SUPT3H: variants seen among roughly 807,000 people sequenced by gnomAD.
SUPT3H encodes the protein transcription initiation protein SPT3 homolog.
Under a neutral mutation model 44.3 loss-of-function variants are expected in SUPT3H, and 44 were observed. The observed-to-expected ratio is 0.99, with a 90% CI of 0.78 to 1.28. The LOEUF (loss-of-function observed/expected upper bound fraction) is 1.28, where lower values mean the gene tolerates loss of function less well. SUPT3H is among the 50% of genes most tolerant of loss of function. SUPT3H has a pLI of 0.00. For missense variants in SUPT3H, 380 were observed against 387.1 expected, an observed-to-expected ratio of 0.98 and a Z score of 0.15; for synonymous variants, 124 against 125.6, an observed-to-expected ratio of 0.99 and a Z score of 0.09.
chr6:44,893,111 C>T (rs1032277334), intron 10 of SUPT3H, among the ~76,000 whole-genome samples: 2 of 152,286 alleles, frequency 1.3e-5, no homozygotes, highest in East Asian at 3.9e-4. Flanking sequence ...TCATTTACAG[C>T]AGAGGCCTGT....
At chr6:45,128,547 T>G (rs1802863905) in intron 2 of SUPT3H, among the ~76,000 whole-genome samples, 1 of 64,280 alleles carries the variant, frequency 1.6e-5, no homozygotes, top group South Asian at 5.5e-4. Flanking sequence ...TATATATATA[T>G]ATATATATAT....
chr6:44,928,891 AAAAAAAAAAAAAAG>A lies in SUPT3H; in HGVS notation c.912+3748_912+3761del, dbSNP rs1437835329. On this transcript the variant is annotated intron_variant, in intron 10 of 10. Coordinates refer to ENST00000371459, the MANE Select transcript of SUPT3H (RefSeq NM_003599.4). ...GAACGAGACTCCGTCTCAAAAAAAAAAAAAAAAAAAAAAGAAAAGAAAAGAAACAAATCACCAAT... is the reference window on the plus strand; with the variant it reads ...GAACGAGACTCCGTCTCAAAAAAAAAAAAAGAAAAGAAACAAATCACCAAT... Among the ~76,000 whole-genome samples, 13 of 122,196 alleles carry A rather than the reference AAAAAAAAAAAAAAG, an allele frequency of 1.1e-4. 2 individuals are homozygous for A. The highest frequency in any genetic ancestry group is 4.0e-4 in the African/African-American group (10 of 25,258). 80.2% of individuals were successfully genotyped at this position (122,196 alleles called of 152,430 possible). A position where few individuals can be genotyped will look rare whatever the true frequency, so the allele number is the denominator to read the frequency against.
At chr6:45,263,053 G>C (rs1010950595) in intron 2 of SUPT3H, among the ~76,000 whole-genome samples, 6 of 152,092 alleles carry the variant, frequency 3.9e-5, no homozygotes, top group African/African-American at 1.4e-4. Flanking sequence ...TGTAAGTTCA[G>C]CCACTGTGGA....
intron 10 of SUPT3H, among the ~76,000 whole-genome samples, chr6:44,890,645 C>T (rs1311328297): frequency 2.1e-5 from 3 of 143,656 alleles, no homozygotes; most frequent in Non-Finnish European, 3.0e-5. Context: ...CATTAGGAGA[C>T]GTACCTAATG....
intron 10 of SUPT3H, among the ~76,000 whole-genome samples, chr6:44,885,299 G>A (rs558987574): frequency 7.4e-4 from 112 of 152,254 alleles, no homozygotes; most frequent in African/African-American, 2.6e-3. Flanking sequence ...ATCTGAGAAC[G>A]GGCAGACTGC....
At chr6:44,980,260 G>GA (rs1778911372) in intron 6 of SUPT3H, among the ~76,000 whole-genome samples, 1 of 145,628 alleles carries the variant, frequency 6.9e-6, no homozygotes, top group Non-Finnish European at 1.5e-5. Context: ...AAAAAAAAAA[G>GA]AAAAAATGAC....
At chr6:44,957,176 CACTT>C (rs113810358) in intron 7 of SUPT3H, among the ~76,000 whole-genome samples, 10,462 of 152,128 alleles carry the variant, frequency 0.069, 1,180 homozygotes, top group African/African-American at 0.24. Context: ...GTCTATAAAA[CACTT>C]AATAGTAACT....
intron 10 of SUPT3H, among the ~76,000 whole-genome samples, chr6:44,877,181 C>T (rs1777449401): frequency 6.6e-6 from 1 of 152,138 alleles, no homozygotes; most frequent in Non-Finnish European, 1.5e-5. Flanking sequence ...TATCCCAGTG[C>T]ATGGGCTGGG....
chr6:45,289,154 T>A (rs1779897625), intron 2 of SUPT3H, among the ~76,000 whole-genome samples: 1 of 152,168 alleles, frequency 6.6e-6, no homozygotes, highest in South Asian at 2.1e-4. Flanking sequence ...GCACTCTTAT[T>A]TGCTTAATAT....
At chr6:44,947,949 G>A (rs567563001) in intron 9 of SUPT3H, among the ~76,000 whole-genome samples, 13 of 152,142 alleles carry the variant, frequency 8.5e-5, no homozygotes, top group Non-Finnish European at 1.6e-4. Context: ...GGTTTCTTAG[G>A]ACACAGGCAA....
chr6:45,366,064 AAGT>A lies in SUPT3H; in HGVS notation c.1-766_1-764del, dbSNP rs1795084477. Among the ~76,000 whole-genome samples the A allele has an allele frequency of 2.0e-5, 3 of 152,262 alleles. No individual in the cohort carries two copies. In the South Asian group the frequency reaches 6.2e-4, roughly 32 times the overall value. ...AAGTAACATTAAAATAATGTCATGA[AAGT>A]AGGTAAACCCTCATCTATTACACTA... On this transcript the variant is annotated intron_variant, in intron 1 of 10. Transcript: ENST00000371459.
At chr6:45,137,272 G>A (rs1448898341) in intron 2 of SUPT3H, among the ~76,000 whole-genome samples, 2 of 151,898 alleles carry the variant, frequency 1.3e-5, no homozygotes, top group Non-Finnish European at 2.9e-5. Flanking sequence ...CCTTCATTTT[G>A]AAAGGAAATG....
chr6:45,367,778 T>C (rs1043190589), intron 1 of SUPT3H, among the ~76,000 whole-genome samples: 3 of 152,192 alleles, frequency 2.0e-5, no homozygotes, highest in Admixed American at 6.6e-5. Context: ...TGCTCCTTTT[T>C]CATTTTCAAA....
intron 7 of SUPT3H, among the ~76,000 whole-genome samples, chr6:44,958,964 C>T (rs1775628604): frequency 6.6e-6 from 1 of 150,924 alleles, no homozygotes; most frequent in Non-Finnish European, 1.5e-5. Context: ...CAACCTCCAC[C>T]TCCCGGGTTC....
intron 9 of SUPT3H, among the ~76,000 whole-genome samples, chr6:44,951,588 G>A (rs1774322720): frequency 6.6e-6 from 1 of 152,104 alleles, no homozygotes; most frequent in Non-Finnish European, 1.5e-5. Flanking sequence ...TTTGTCAGGA[G>A]GCTCTCTGAC....
chr6:45,291,558 G>A lies in SUPT3H; in HGVS notation c.101+73643C>T, dbSNP rs557588335. On this transcript the variant is annotated intron_variant, in intron 2 of 10. Transcript: ENST00000371459. ...TAAGGAAATCCAAAAAATATTACACGAAGTGAAGGAAGAAATATTCAGGGA... is the reference window on the plus strand; with the variant it reads ...TAAGGAAATCCAAAAAATATTACACAAAGTGAAGGAAGAAATATTCAGGGA... 6.6e-5 allele frequency among the ~76,000 whole-genome samples: 10 copies of A among 152,202 alleles called. No homozygotes were observed. In the South Asian group the frequency reaches 1.5e-3, roughly 22 times the overall value.
At chr6:45,313,932 A>G (rs1784342073) in intron 2 of SUPT3H, among the ~76,000 whole-genome samples, 1 of 152,238 alleles carries the variant, frequency 6.6e-6, no homozygotes, top group African/African-American at 2.4e-5. Flanking sequence ...CACATCAAAA[A>G]GATAATCCAC....
chr6:44,890,505 C>A (rs1271585442), intron 10 of SUPT3H, among the ~76,000 whole-genome samples: 17 of 148,426 alleles, frequency 1.1e-4, no homozygotes, highest in Non-Finnish European at 2.1e-4. Context: ...AAACTATCGC[C>A]AGAACAAAAA....
At chr6:44,834,054 G>A (rs1009248720) in intron 10 of SUPT3H, among the ~76,000 whole-genome samples, 21 of 152,108 alleles carry the variant, frequency 1.4e-4, no homozygotes, top group African/African-American at 4.1e-4. Flanking sequence ...CACTTGGGGA[G>A]CTTTAAAAGA....
Sources: allele counts gnomAD v4.1 joint callset (sites outside exome capture counted in the v4.1 genomes callset), GRCh38; gene constraint gnomAD v4.1.1; transcripts MANE v1.5; gene names NCBI Gene and HGNC (gene_info 2026-07-23, HGNC 2026-07-21).